FMN2: variants seen among roughly 807,000 people sequenced by gnomAD.
The protein encoded by FMN2 is formin 2.
FMN2 carries 51 observed loss-of-function variants against 142.3 expected under a neutral mutation model. That is an observed-to-expected ratio of 0.36 (90% confidence interval 0.29 to 0.45). The LOEUF (loss-of-function observed/expected upper bound fraction) is 0.45. Among genes scored for constraint, FMN2 ranks in the 20% least tolerant of loss-of-function variants. The pLI, the probability that FMN2 is intolerant of heterozygous loss-of-function variation, is 1.00. For missense variants in FMN2, 1,936 were observed against 2,122.8 expected (o/e 0.91, Z 1.73); for synonymous variants, 882 against 869.8 (o/e 1.01, Z -0.25).
intron 7 of FMN2, among the ~76,000 whole-genome samples, chr1:240,259,092 G>C (rs975901897): frequency 1.3e-5 from 2 of 152,148 alleles, no homozygotes; most frequent in African/African-American, 2.4e-5. Flanking sequence ...TTGATGGGGA[G>C]GAGACTTCCT....
intron 16 of FMN2, among the ~76,000 whole-genome samples, chr1:240,457,052 C>G (rs1486295976): frequency 6.9e-6 from 1 of 144,158 alleles, no homozygotes; most frequent in Non-Finnish European, 1.5e-5. Context: ...TGGGCCTCAT[C>G]ATCTGATAGT....
At chr1:240,329,645 G>A (rs185802629) in intron 10 of FMN2, among the ~76,000 whole-genome samples, 177 bp downstream of exon 10, 1 of 152,230 alleles carries the variant, frequency 6.6e-6, no homozygotes, top group Admixed American at 6.5e-5. Flanking sequence ...TAAATGTTCC[G>A]GCGGGCGCCC....
chr1:240,169,705 G>A (rs1283705887), intron 2 of FMN2, among the ~76,000 whole-genome samples: 1 of 152,072 alleles, frequency 6.6e-6, no homozygotes, highest in East Asian at 1.9e-4. Context: ...CATCTCCTGG[G>A]CTCAAGTAAT....
At chr1:240,217,173 A>G (rs965298697) in intron 6 of FMN2, among the ~76,000 whole-genome samples, 1 of 152,230 alleles carries the variant, frequency 6.6e-6, no homozygotes, top group African/African-American at 2.4e-5. Context: ...TGCTATGAAA[A>G]GGAAAAAGAG....
At chr1:240,170,567 A>G (rs1664660895) in intron 2 of FMN2, 1 of 1,563,760 alleles carries the variant, frequency 6.4e-7, no homozygotes, top group African/African-American at 1.4e-5. Context: ...TTTACTTGCA[A>G]AGGAAAGACA....
At chr1:240,285,381 C>G (rs922183626) in intron 7 of FMN2, 9 of 433,708 alleles carry the variant, frequency 2.1e-5, no homozygotes, top group Non-Finnish European at 4.2e-5. Flanking sequence ...GTTAGACACC[C>G]AAGTGGTGAT....
At position 240,135,514 on chromosome 1, in the gene FMN2, G is replaced by A. The variant is rs80209498; in HGVS notation, c.1782+12169G>A. On this transcript the variant is annotated intron_variant, in intron 2 of 17. Transcript: ENST00000319653. ...TATATGGTTTGAAAAAAATTGCCTC[G>A]TATGGGGAACTTTTCTTTACCACAA... is the stretch of plus-strand genomic sequence containing the variant. Among the ~76,000 whole-genome samples the A allele has an allele frequency of 8.3e-3, 1,263 of 152,142 alleles. 4 individuals carry two copies. The highest frequency in any genetic ancestry group is 0.033 in the South Asian group (157 of 4,826).
At chr1:240,413,426 G>C (rs1174968397) in intron 15 of FMN2, among the ~76,000 whole-genome samples, 4 of 152,060 alleles carry the variant, frequency 2.6e-5, no homozygotes, top group African/African-American at 7.2e-5. Flanking sequence ...TATTTTAGTG[G>C]CTAGTGCCAG....
chr1:240,334,148 C>T lies in FMN2; in HGVS notation c.4684C>T (p.Pro1562Ser), dbSNP rs754484751. Residue 1562 changes from proline to serine, a missense_variant, in exon 13 of 18, where the codon CCC (proline) becomes TCC (serine). By Grantham distance (74) the Pro-to-Ser change is moderately conservative. Around this residue, in one of 8 missense-constraint regions of FMN2, gnomAD observed 322 missense variants for 401.6 expected, o/e 0.80. Transcript: ENST00000319653. ...KEQCLFPLPE[P>S]QDLFQASQMK... is the part of the protein sequence containing the mutation. ...ACAGTGCCTCTTTCCACTGCCAGAACCCCAGGACCTTTTTCAGGCCTCACA... is the reference window on the plus strand; with the variant it reads ...ACAGTGCCTCTTTCCACTGCCAGAATCCCAGGACCTTTTTCAGGCCTCACA... 1.2e-6 allele frequency: 2 copies of T among 1,608,848 alleles called. No individual in the cohort carries two copies. The highest frequency in any genetic ancestry group is 1.3e-5 in the African/African-American group (1 of 74,594).
chr1:240,148,034 C>T (rs1010370907), intron 2 of FMN2, among the ~76,000 whole-genome samples: 7 of 152,214 alleles, frequency 4.6e-5, no homozygotes, highest in Admixed American at 4.6e-4. Flanking sequence ...TCAAGAGTTA[C>T]AGCTCTGCTC....
chr1:240,158,343 A>G (rs1010074526), intron 2 of FMN2, among the ~76,000 whole-genome samples: 3 of 152,150 alleles, frequency 2.0e-5, no homozygotes, highest in Non-Finnish European at 4.4e-5. Flanking sequence ...TGAATTTGCT[A>G]TGACCTTGGG....
intron 8 of FMN2, among the ~76,000 whole-genome samples, chr1:240,311,189 A>G (rs900861005): frequency 6.6e-6 from 1 of 152,216 alleles, no homozygotes; most frequent in Non-Finnish European, 1.5e-5. Flanking sequence ...CTTTGCTTAA[A>G]GATTACTAGG....
chr1:240,361,979 C>T (rs368257576), intron 14 of FMN2, among the ~76,000 whole-genome samples: 4 of 152,228 alleles, frequency 2.6e-5, no homozygotes, highest in Non-Finnish European at 4.4e-5. Flanking sequence ...AGGGCAAATG[C>T]GAATACTCAT....
intron 2 of FMN2, among the ~76,000 whole-genome samples, chr1:240,142,505 T>TGG (rs199943930): frequency 2.1e-4 from 7 of 33,116 alleles, no homozygotes; most frequent in Non-Finnish European, 4.0e-4. Flanking sequence ...TTATATTTTT[T>TGG]GGGGGGGGAT....
chr1:240,122,374 C>A (rs1280803385), intron 1 of FMN2, among the ~76,000 whole-genome samples: 1 of 152,114 alleles, frequency 6.6e-6, no homozygotes, highest in Non-Finnish European at 1.5e-5. Flanking sequence ...AGCTCCGCCA[C>A]CCAGGTTCAA....
intron 14 of FMN2, among the ~76,000 whole-genome samples, chr1:240,361,000 T>C (rs1019996028): frequency 2.6e-5 from 4 of 151,316 alleles, no homozygotes; most frequent in Non-Finnish European, 5.9e-5. Flanking sequence ...AGGGATAGCA[T>C]TAGGAGATAT....
chr1:240,250,272 C>A (rs1668234482), intron 6 of FMN2, among the ~76,000 whole-genome samples: 1 of 152,034 alleles, frequency 6.6e-6, no homozygotes, highest in Non-Finnish European at 1.5e-5. Context: ...CCTACTATAC[C>A]TAGATTATTG....
In FMN2 at chr1:240,203,055, C is replaced by T. The variant is rs184002019; in HGVS notation, c.1987-3744C>T. The stretch of plus-strand genomic sequence containing the variant: ...CACCTTTAAGAGTATGCTGGAAAAA[C>T]GAAAATGATCTGTGCATTTTACTAA... On this transcript the variant is annotated intron_variant, in intron 4 of 17. Transcript: ENST00000319653. Among the ~76,000 whole-genome samples, 47 of 152,188 alleles carry T rather than the reference C, an allele frequency of 3.1e-4. 1 individual carries two copies. Among genetic ancestry groups the T allele is most frequent in the Non-Finnish European group, 5.7e-4 (39 of 68,002 alleles).
chr1:240,366,549 T>A (rs969358192), intron 14 of FMN2, among the ~76,000 whole-genome samples: 6 of 151,832 alleles, frequency 4.0e-5, no homozygotes, highest in Middle Eastern at 3.2e-3. Context: ...TTTTTTTTTT[T>A]TAAATTTGAG....
Sources: gnomAD v4.1 joint callset for allele counts (sites outside exome capture counted in the v4.1 genomes callset) on GRCh38, gnomAD v4.1.1 for gene constraint, gnomAD v4.1.1 regional missense constraint, MANE v1.5 for transcripts, NCBI Gene and HGNC (gene_info 2026-07-23, HGNC 2026-07-21) for gene names.